Variants in ENDOV observed in about 807,000 individuals in gnomAD.
ENDOV encodes the protein hEndoV.
Under a neutral mutation model 39.4 loss-of-function variants are expected in ENDOV, and 37 were observed. The observed-to-expected ratio is 0.94, with a 90% CI of 0.72 to 1.23. The LOEUF (loss-of-function observed/expected upper bound fraction) is 1.23, where lower values mean the gene tolerates loss of function less well. Among genes scored for constraint, ENDOV ranks in the 50% most tolerant of loss-of-function variants. The pLI is 0.00. For synonymous variants in ENDOV, 186 were observed against 163.4 expected, an observed-to-expected ratio of 1.14 and a Z score of -1.05; for missense variants, 441 against 375.7, an observed-to-expected ratio of 1.17 and a Z score of -1.44.
intron 7 of ENDOV, among the ~76,000 whole-genome samples, chr17:80,428,027 G>C (rs1439820124): frequency 6.6e-6 from 1 of 152,232 alleles, no homozygotes; most frequent in Non-Finnish European, 1.5e-5. Context: ...GCCCCCGGGG[G>C]TTCCCACTCA....
chr17:80,422,089 A>G, intron 3 of ENDOV, 117 bp from the exon 4 acceptor site: 1 of 1,563,840 alleles, frequency 6.4e-7, no homozygotes, highest in Non-Finnish European at 8.7e-7. Flanking sequence ...GAGAGGAATG[A>G]GGATTTCTAA....
Position 80,436,337 on chromosome 17 carries a change from T to A in ENDOV, c.*194T>A. The A allele has an allele frequency of 6.4e-7, 1 of 1,553,408 alleles. No individual in the cohort carries two copies. Among genetic ancestry groups the A allele is most frequent in the Non-Finnish European group, 8.7e-7 (1 of 1,153,324 alleles). ...TCGAACGTGGTGGTGAGAGCACACGTCCTTGTCTTGTTCCTGATCTTAAGG... is the reference window on the plus strand; with the variant it reads ...TCGAACGTGGTGGTGAGAGCACACGACCTTGTCTTGTTCCTGATCTTAAGG... On this transcript the variant is annotated 3_prime_UTR_variant, in exon 10 of 10. Transcript: ENST00000518137.
intron 9 of ENDOV, among the ~76,000 whole-genome samples, chr17:80,431,449 G>T (rs2083321100): frequency 6.6e-6 from 1 of 152,230 alleles, no homozygotes; most frequent in African/African-American, 2.4e-5. Context: ...GACAAGTGGG[G>T]CTGGGGGGAG....
rs375698793 is a variant in ENDOV, at chr17:80,415,212, G to A, written c.18G>A (p.Ala6=). ...ACGAAGCCATGGCCCTGGAGGCGGC[G>A]GGAGGGCCGCCGGAGGAAACGCTGT... The part of the protein sequence containing the change: MALEA[A]GGPPEETLSL... The change falls in exon 1 of 10, where the codon GCG becomes GCA. Residue 6 remains alanine (A), a synonymous_variant. Coordinates refer to ENST00000518137, the MANE Select transcript of ENDOV (RefSeq NM_173627.5). 5 of 1,613,220 alleles carry A rather than the reference G, an allele frequency of 3.1e-6. No homozygotes were observed. In the African/African-American group the frequency reaches 6.7e-5, roughly 22 times the overall value.
chr17:80,428,494 G>C, intron 7 of ENDOV, 102 bp from the exon 8 acceptor site: 1 of 1,145,886 alleles, frequency 8.7e-7, no homozygotes, highest in Non-Finnish European at 1.3e-6. Context: ...TGTGTCCTGA[G>C]TGGGCTTCTG....
chr17:80,428,205 G>T (rs2082960981), intron 7 of ENDOV, among the ~76,000 whole-genome samples: 1 of 152,240 alleles, frequency 6.6e-6, no homozygotes, highest in Admixed American at 6.5e-5. Flanking sequence ...AGAGAAGCAA[G>T]TGTTAGCAGG....
At chr17:80,420,936 A>G (rs1041068319) in intron 2 of ENDOV, among the ~76,000 whole-genome samples, 2 of 152,052 alleles carry the variant, frequency 1.3e-5, no homozygotes, top group African/African-American at 2.4e-5. Context: ...TCGGCCTCCC[A>G]AAGTGCTGGG....
chr17:80,416,069 C>T (rs764943784), intron 2 of ENDOV: 6 of 392,886 alleles, frequency 1.5e-5, no homozygotes, highest in Non-Finnish European at 2.3e-5. Flanking sequence ...GAAACCCGGT[C>T]TCTACTAAAA....
intron 9 of ENDOV, among the ~76,000 whole-genome samples, chr17:80,434,598 A>G (rs1401383631): frequency 1.3e-5 from 2 of 152,126 alleles, no homozygotes; most frequent in East Asian, 3.9e-4. Flanking sequence ...CACCCTCACC[A>G]CCACTTGCTA....
chr17:80,420,768 C>G (rs901049371), intron 2 of ENDOV, among the ~76,000 whole-genome samples: 40 of 152,248 alleles, frequency 2.6e-4, no homozygotes, highest in African/African-American at 8.7e-4. Context: ...GCCTCTGCCT[C>G]CTGGGTTCAA....
chr17:80,419,450 G>C (rs1268624121), intron 2 of ENDOV: 6 of 633,390 alleles, frequency 9.5e-6, no homozygotes, highest in South Asian at 7.1e-5. Flanking sequence ...TTCCATGCCA[G>C]ATGCTGAGCG....
intron 4 of ENDOV, among the ~76,000 whole-genome samples, chr17:80,423,240 G>T (rs145208169): frequency 6.6e-6 from 1 of 152,226 alleles, no homozygotes; most frequent in Non-Finnish European, 1.5e-5. Flanking sequence ...GGAAATGACC[G>T]GAGAGCTGCA....
chr17:80,420,305 A>T (rs2081828832), intron 2 of ENDOV: 1 of 152,354 alleles, frequency 6.6e-6, no homozygotes, highest in Admixed American at 6.5e-5. Context: ...GTGGGAACTC[A>T]GGCCACACTT....
chr17:80,423,227 G>A (rs904870654), intron 4 of ENDOV, among the ~76,000 whole-genome samples: 2 of 152,230 alleles, frequency 1.3e-5, no homozygotes, highest in East Asian at 1.9e-4. Context: ...GCTGGGAGGT[G>A]CAGGAAATGA....
intron 4 of ENDOV, 116 bp downstream of exon 4, chr17:80,422,361 TC>T: frequency 8.0e-7 from 1 of 1,255,848 alleles, no homozygotes; most frequent in Non-Finnish European, 1.1e-6. Flanking sequence ...GCCAGCCCCC[TC>T]CAATGGCTTC....
chr17:80,428,256 T>TGGAAACCAGTGAAGGCTGAGCAGCTCCAA (rs2082968611), intron 7 of ENDOV, among the ~76,000 whole-genome samples: 1 of 152,186 alleles, frequency 6.6e-6, no homozygotes, highest in Non-Finnish European at 1.5e-5. Context: ...AAGCACAGAC[T>TGGAAACCAGTGAAGGCTGAGCAGCTCCAA]GGAAACCAGT....
At chr17:80,433,110 G>A in intron 9 of ENDOV, 1 of 520,104 alleles carries the variant, frequency 1.9e-6, no homozygotes, top group Non-Finnish European at 3.8e-6. Flanking sequence ...CCTGTCCAGA[G>A]CTCCGGGAGC....
chr17:80,425,223 G>A (rs1053823204), intron 6 of ENDOV, 123 bp downstream of exon 6: 21 of 900,744 alleles, frequency 2.3e-5, no homozygotes, highest in East Asian at 1.1e-4. Context: ...CCGCCTGCCC[G>A]TCCATCCATC....
chr17:80,420,314 T>G (rs2081831061), intron 2 of ENDOV: 1 of 152,324 alleles, frequency 6.6e-6, no homozygotes. Flanking sequence ...CAGGCCACAC[T>G]TGAATTCCAC....
Sources: gnomAD v4.1 joint callset for allele counts (sites outside exome capture counted in the v4.1 genomes callset) on GRCh38, gnomAD v4.1.1 for gene constraint, MANE v1.5 for transcripts, NCBI Gene and HGNC (gene_info 2026-07-23, HGNC 2026-07-21) for gene names.